The following FAM53B variants were observed in gnomAD, a reference collection of about 807,000 sequenced individuals.
FAM53B encodes protein FAM53B.
Under a neutral mutation model 32.7 loss-of-function variants are expected in FAM53B, and 12 were observed. That is an observed-to-expected ratio of 0.37 (90% CI 0.24 to 0.59). The LOEUF (loss-of-function observed/expected upper bound fraction) is 0.59. FAM53B is among the 20% of genes least tolerant of loss of function. The pLI is 0.72. For synonymous variants in FAM53B, 234 were observed against 228.7 expected, an observed-to-expected ratio of 1.02 and a Z score of -0.21; for missense variants, 477 against 577.7, an observed-to-expected ratio of 0.83 and a Z score of 1.79.
At chr10:124,694,480 C>G (rs541292622) in intron 3 of FAM53B, among the ~76,000 whole-genome samples, 7 of 152,268 alleles carry the variant, frequency 4.6e-5, no homozygotes, top group Non-Finnish European at 1.0e-4. Flanking sequence ...ACCAGACTTC[C>G]ACCTTATTAT....
intron 4 of FAM53B, among the ~76,000 whole-genome samples, chr10:124,657,112 G>GTATATA (rs60710275): frequency 0.36 from 47,538 of 132,422 alleles, 9,804 homozygotes; most frequent in Non-Finnish European, 0.46. Context: ...ATATATATGT[G>GTATATA]TGTGTGTATA....
intron 4 of FAM53B, among the ~76,000 whole-genome samples, chr10:124,661,071 A>C (rs921534757): frequency 2.2e-4 from 33 of 151,914 alleles, no homozygotes; most frequent in East Asian, 1.2e-3. Flanking sequence ...AAAAAAAAAA[A>C]AAAAAACAGG....
chr10:124,731,361 AG>A (rs1277538148), intron 1 of FAM53B, among the ~76,000 whole-genome samples: 1 of 152,176 alleles, frequency 6.6e-6, no homozygotes, highest in Non-Finnish European at 1.5e-5. Context: ...AGAGAAGTGA[AG>A]TGGCTGAACC....
intron 1 of FAM53B, among the ~76,000 whole-genome samples, chr10:124,737,899 C>A (rs1950181459): frequency 1.3e-5 from 2 of 152,080 alleles, no homozygotes; most frequent in South Asian, 4.1e-4. Context: ...ACCACTAGGA[C>A]TGTGGGGAGG....
At chr10:124,630,372 C>T (rs1949382660) in intron 4 of FAM53B, among the ~76,000 whole-genome samples, 1 of 152,162 alleles carries the variant, frequency 6.6e-6, no homozygotes, top group African/African-American at 2.4e-5. Flanking sequence ...CGAGATTGCA[C>T]CACTGTACTC....
At chr10:124,635,923 T>C (rs1037953118) in intron 4 of FAM53B, among the ~76,000 whole-genome samples, 7 of 152,250 alleles carry the variant, frequency 4.6e-5, no homozygotes, top group Admixed American at 3.3e-4. Context: ...TCTCCTCTGT[T>C]ATAATAAGAA....
chr10:124,660,683 C>T (rs185011129), intron 4 of FAM53B, among the ~76,000 whole-genome samples: 143 of 152,310 alleles, frequency 9.4e-4, no homozygotes, highest in Non-Finnish European at 1.7e-3. Context: ...GAGAAATTGC[C>T]AAGCAAATCC....
At chr10:124,653,843 C>T (rs1949570347) in intron 4 of FAM53B, among the ~76,000 whole-genome samples, 3 of 152,240 alleles carry the variant, frequency 2.0e-5, no homozygotes, top group African/African-American at 7.2e-5. Context: ...GGAACACCTG[C>T]TGCCCAGTTC....
intron 1 of FAM53B, among the ~76,000 whole-genome samples, chr10:124,731,827 C>T (rs1321187613): frequency 2.0e-5 from 3 of 152,166 alleles, no homozygotes; most frequent in Non-Finnish European, 2.9e-5. Flanking sequence ...ACCTTGGAGA[C>T]GGGGACCAGA....
In FAM53B at chr10:124,625,011, G is replaced by A. The variant is rs879228275; in HGVS notation, c.907-1407C>T. On this transcript the variant is annotated intron_variant, in intron 4 of 4. Transcript: ENST00000337318. ...GTGGGGACTGGGGAAGCAAAGCAGGGCCTTGGAGCACCCGCCGCCTCCCTC... is the reference window on the plus strand; with the variant it reads ...GTGGGGACTGGGGAAGCAAAGCAGGACCTTGGAGCACCCGCCGCCTCCCTC... Among the ~76,000 whole-genome samples the A allele has an allele frequency of 4.6e-5, 7 of 152,202 alleles. No individual in the cohort carries two copies. In the South Asian group the frequency reaches 8.3e-4, roughly 18 times the overall value.
chr10:124,699,090 C>T (rs188806506), intron 2 of FAM53B, among the ~76,000 whole-genome samples: 128 of 152,360 alleles, frequency 8.4e-4, no homozygotes, highest in African/African-American at 2.3e-3. Context: ...CTGGCTAAAG[C>T]GGTGCCTCCC....
chr10:124,700,068 C>T (rs1427467294), intron 2 of FAM53B, among the ~76,000 whole-genome samples: 2 of 152,194 alleles, frequency 1.3e-5, no homozygotes, highest in Admixed American at 6.5e-5. Flanking sequence ...TTTCTGAGCC[C>T]CATCCGTGAG....
At chr10:124,721,063 A>C (rs1950065786) in intron 1 of FAM53B, among the ~76,000 whole-genome samples, 1 of 152,136 alleles carries the variant, frequency 6.6e-6, no homozygotes, top group Admixed American at 6.5e-5. Flanking sequence ...TTAGCTGGGC[A>C]TGGTGGTGCA....
Position 124,730,210 on chromosome 10 carries a change from TAAC to T in FAM53B, c.-175+13800_-175+13802del, listed in dbSNP as rs1448075800. On this transcript the variant is annotated intron_variant, in intron 1 of 4. Coordinates refer to ENST00000337318, the MANE Select transcript of FAM53B (RefSeq NM_014661.4). ...TTCCAGCATGGTAGGAACAATGGTA[TAAC>T]CCATCAGGCCCAAATGGCCCAGAAC... Among the ~76,000 whole-genome samples the T allele has an allele frequency of 1.4e-4, 22 of 152,312 alleles. No homozygotes were observed. In the East Asian group the frequency reaches 3.9e-3, roughly 27 times the overall value.
chr10:124,741,225 C>T (rs973061487), intron 1 of FAM53B, among the ~76,000 whole-genome samples: 8 of 152,088 alleles, frequency 5.3e-5, no homozygotes, highest in African/African-American at 1.4e-4. Flanking sequence ...GAGAGGTGTG[C>T]GTGGTGGTGG....
chr10:124,670,593 G>T (rs954892280), intron 4 of FAM53B, among the ~76,000 whole-genome samples: 1 of 152,022 alleles, frequency 6.6e-6, no homozygotes, highest in Non-Finnish European at 1.5e-5. Flanking sequence ...CCGCAGCCTC[G>T]CCATGCCCTG....
chr10:124,728,296 C>T (rs531054036), intron 1 of FAM53B, among the ~76,000 whole-genome samples: 15 of 152,192 alleles, frequency 9.9e-5, no homozygotes, highest in African/African-American at 3.6e-4. Flanking sequence ...CTTGGAGAGA[C>T]AGTTGATCTG....
At chr10:124,656,735 C>A (rs1391040077) in intron 4 of FAM53B, among the ~76,000 whole-genome samples, 1 of 152,144 alleles carries the variant, frequency 6.6e-6, no homozygotes, top group Non-Finnish European at 1.5e-5. Context: ...AGCATTATTA[C>A]AAACTAAGGA....
At chr10:124,686,819 C>T (rs1461590092) in intron 3 of FAM53B, among the ~76,000 whole-genome samples, 1 of 152,232 alleles carries the variant, frequency 6.6e-6, no homozygotes, top group East Asian at 1.9e-4. Context: ...GTCTTTTGTC[C>T]TTGGCAAAGG....
Sources: gnomAD v4.1 joint callset for allele counts (sites outside exome capture counted in the v4.1 genomes callset) on GRCh38, gnomAD v4.1.1 for gene constraint, MANE v1.5 for transcripts, NCBI Gene and HGNC (gene_info 2026-07-23, HGNC 2026-07-21) for gene names.